The following RAP1A variants were observed in gnomAD, a reference collection of about 807,000 sequenced individuals.
RAP1A encodes ras-related protein Rap-1A.
Under a neutral mutation model 26.4 loss-of-function variants are expected in RAP1A, and 6 were observed. That is an observed-to-expected ratio of 0.23 (90% CI 0.12 to 0.45). RAP1A has a LOEUF of 0.45. RAP1A is among the 20% of genes least tolerant of loss of function. RAP1A has a pLI of 0.99. For missense variants in RAP1A, 121 were observed against 217.2 expected (o/e 0.56, Z 2.78); for synonymous variants, 73 against 79.4 (o/e 0.92, Z 0.43).
At chr1:111,600,100 A>G (rs1041814105) in intron 1 of RAP1A, 1 of 152,614 alleles carries the variant, frequency 6.6e-6, no homozygotes, top group African/African-American at 2.4e-5. Context: ...TATAGCCTGC[A>G]GAACCACAAG....
At chr1:111,623,948 T>G (rs1031733807) in intron 1 of RAP1A, among the ~76,000 whole-genome samples, 26 of 152,198 alleles carry the variant, frequency 1.7e-4, no homozygotes, top group Non-Finnish European at 3.4e-4. Context: ...ACCGTAAATG[T>G]TCATTGAACC....
chr1:111,630,169 A>C (rs894129297), intron 1 of RAP1A, among the ~76,000 whole-genome samples: 1 of 152,242 alleles, frequency 6.6e-6, no homozygotes, highest in South Asian at 2.1e-4. Flanking sequence ...CTGAAATGTG[A>C]ATAGACTTTT....
intron 1 of RAP1A, among the ~76,000 whole-genome samples, chr1:111,561,355 C>A (rs1657727857): frequency 6.6e-6 from 1 of 152,210 alleles, no homozygotes; most frequent in African/African-American, 2.4e-5. Flanking sequence ...AACTCCTGGG[C>A]TCAAGCGATC....
At chr1:111,624,622 G>C (rs745525501) in intron 1 of RAP1A, among the ~76,000 whole-genome samples, 1 of 152,104 alleles carries the variant, frequency 6.6e-6, no homozygotes. Context: ...ACCATGCCAT[G>C]CTGTCATTTC....
chr1:111,633,543 T>A (rs1025222729), intron 1 of RAP1A, among the ~76,000 whole-genome samples: 1 of 152,222 alleles, frequency 6.6e-6, no homozygotes, highest in Non-Finnish European at 1.5e-5. Flanking sequence ...TTCGGTAGTG[T>A]TTCTTTTTCG....
chr1:111,551,072 T>C (rs1657236147), intron 1 of RAP1A, among the ~76,000 whole-genome samples: 2 of 152,364 alleles, frequency 1.3e-5, no homozygotes, highest in East Asian at 3.9e-4. Flanking sequence ...TTTGCTACTG[T>C]TTGCAGGAAA....
At chr1:111,702,429 T>C (rs1404290262) in intron 4 of RAP1A, among the ~76,000 whole-genome samples, 1 of 152,172 alleles carries the variant, frequency 6.6e-6, no homozygotes, top group Admixed American at 6.5e-5. Context: ...GTAATTTTAA[T>C]TTGGCATGAC....
chr1:111,704,613 CT>C, intron 6 of RAP1A, 127 bp downstream of exon 6: 1 of 986,534 alleles, frequency 1.0e-6, no homozygotes, highest in Non-Finnish European at 1.4e-6. Flanking sequence ...ATAGGAAACA[CT>C]AAGTAATTCC....
chr1:111,629,928 C>T (rs966034412), intron 1 of RAP1A, among the ~76,000 whole-genome samples: 4 of 152,208 alleles, frequency 2.6e-5, no homozygotes, highest in African/African-American at 9.6e-5. Flanking sequence ...GAACTACAGT[C>T]ATTCTCTCCC....
intron 1 of RAP1A, among the ~76,000 whole-genome samples, chr1:111,581,419 T>C (rs572533411): frequency 5.9e-5 from 9 of 152,272 alleles, no homozygotes; most frequent in African/African-American, 2.2e-4. Context: ...TACCAGCATC[T>C]GCTAGACAGA....
At chr1:111,653,269 T>TAAC (rs937690200) in intron 1 of RAP1A, among the ~76,000 whole-genome samples, 2 of 151,794 alleles carry the variant, frequency 1.3e-5, no homozygotes, top group African/African-American at 4.8e-5. Flanking sequence ...AAATGGGGAG[T>TAAC]AACTGTTCAT....
At chr1:111,700,474 G>T (rs1661986366) in intron 4 of RAP1A, among the ~76,000 whole-genome samples, 1 of 152,046 alleles carries the variant, frequency 6.6e-6, no homozygotes, top group Non-Finnish European at 1.5e-5. Flanking sequence ...TAATTGTGAG[G>T]ATAGCACCAA....
At chr1:111,637,606 C>T (rs1406940668) in intron 1 of RAP1A, among the ~76,000 whole-genome samples, 1 of 152,126 alleles carries the variant, frequency 6.6e-6, no homozygotes, top group Non-Finnish European at 1.5e-5. Context: ...TTTTGGTGTA[C>T]ATCTTTCTCA....
chr1:111,555,054 G>C (rs190308972), intron 1 of RAP1A, among the ~76,000 whole-genome samples: 2 of 151,930 alleles, frequency 1.3e-5, no homozygotes, highest in East Asian at 3.9e-4. Context: ...CAGGAGAAAA[G>C]AAAAAGAGGC....
chr1:111,626,001 A>G (rs995139632), intron 1 of RAP1A, among the ~76,000 whole-genome samples: 2 of 152,088 alleles, frequency 1.3e-5, no homozygotes, highest in Non-Finnish European at 2.9e-5. Context: ...GTAACCCCAA[A>G]TTAGGCTCTT....
At chr1:111,697,615 A>G in intron 4 of RAP1A, 118 bp downstream of exon 4, 1 of 1,512,774 alleles carries the variant, frequency 6.6e-7, no homozygotes, top group East Asian at 2.3e-5. Context: ...TTAAGAAGAA[A>G]TTCTCTGAAC....
intron 1 of RAP1A, among the ~76,000 whole-genome samples, chr1:111,646,429 A>AAC (rs1557876553): frequency 6.9e-6 from 1 of 145,150 alleles, no homozygotes; most frequent in Non-Finnish European, 1.5e-5. Context: ...GTAAAAAAAA[A>AAC]AAAAACAAAA....
At chr1:111,695,150 C>G (rs1325319985) in intron 2 of RAP1A, among the ~76,000 whole-genome samples, 191 bp from the exon 3 acceptor site, 1 of 152,006 alleles carries the variant, frequency 6.6e-6, no homozygotes, top group African/African-American at 2.4e-5. Context: ...ATGACTACCT[C>G]CTTTCATAAT....
In RAP1A at chr1:111,704,565, A is replaced by G. The variant is rs377495349; in HGVS notation, c.468+79A>G. 1.9e-4 allele frequency: 259 copies of G among 1,388,654 alleles called. 4 individuals are homozygous for G. In the East Asian group the frequency reaches 4.2e-3, roughly 23 times the overall value. 86.0% of individuals were successfully genotyped at this position (1,388,654 alleles called of 1,614,324 possible). On this transcript the variant is annotated intron_variant, in intron 6 of 7. Transcript: ENST00000369709. ...GTTAACAGCCAGACTTTTAAGAAAA[A>G]ATTTTTATCTTTTAAGCAATCTTGA...
Sources: allele counts gnomAD v4.1 joint callset (sites outside exome capture counted in the v4.1 genomes callset), GRCh38; gene constraint gnomAD v4.1.1; transcripts MANE v1.5; gene names NCBI Gene and HGNC (gene_info 2026-07-23, HGNC 2026-07-21).